The following STOX2 variants were observed in gnomAD, a reference collection of about 807,000 sequenced individuals.
STOX2 encodes the protein storkhead-box protein 2.
In STOX2, 28 loss-of-function variants were observed where a neutral mutation model predicts 60.9. The observed-to-expected ratio is 0.46, with a 90% confidence interval of 0.34 to 0.63. The LOEUF (loss-of-function observed/expected upper bound fraction) is 0.63. Among genes scored for constraint, STOX2 ranks in the 30% least tolerant of loss-of-function variants. STOX2 has a pLI of 0.01. For synonymous variants in STOX2, 472 were observed against 463.9 expected, an observed-to-expected ratio of 1.02 and a Z score of -0.22; for missense variants, 1,024 against 1,187.7, an observed-to-expected ratio of 0.86 and a Z score of 2.03.
At chr4:183,811,928 ATT>A (rs529589265) in intron 1 of STOX2, among the ~76,000 whole-genome samples, 28 of 129,694 alleles carry the variant, frequency 2.2e-4, no homozygotes, top group Admixed American at 2.4e-4. Flanking sequence ...GAAAGCCTGG[ATT>A]TTTTTTTTTT....
intron 1 of STOX2, among the ~76,000 whole-genome samples, chr4:183,917,573 C>T (rs1303557415): frequency 2.0e-5 from 3 of 152,192 alleles, no homozygotes; most frequent in Non-Finnish European, 2.9e-5. Flanking sequence ...AGTATTTGGA[C>T]ATATTTTCCC....
rs150323816 is a variant in STOX2, at chr4:183,869,630, C to A, written c.364+71575C>A. ...GTCATTTATCACACTATTAGCTTGG[C>A]ATCTCAGAATTTACCTTTATTAATT... On this transcript the variant is annotated intron_variant, in intron 1 of 2. Coordinates refer to the STOX2 transcript ENST00000513034. 8.5e-3 allele frequency among the ~76,000 whole-genome samples: 1,289 copies of A among 152,284 alleles called. 6 individuals carry two copies. Among genetic ancestry groups the A allele is most frequent in the Middle Eastern group, 0.024 (7 of 294 alleles).
At chr4:183,800,611 C>T (rs746362181) in intron 1 of STOX2, among the ~76,000 whole-genome samples, 10 of 152,146 alleles carry the variant, frequency 6.6e-5, no homozygotes, top group Admixed American at 1.3e-4. Context: ...TTACAGGAGG[C>T]GCATTACATT....
At chr4:183,886,324 G>GAGGGTGAAGGTTCA (rs1276420829) in intron 1 of STOX2, among the ~76,000 whole-genome samples, 1 of 148,488 alleles carries the variant, frequency 6.7e-6, no homozygotes, top group African/African-American at 2.4e-5. Context: ...GCAAGATCAG[G>GAGGGTGAAGGTTCA]GTCACTAGGA....
In STOX2 at chr4:184,010,099, T is replaced by G. The variant is rs773108420; in HGVS notation, c.1261T>G (p.Phe421Val). ...CATCATTGAACACAAAGGAGATAACTTCATCATGCACAGCAACACAAACGT... is the reference window on the plus strand; with the variant it reads ...CATCATTGAACACAAAGGAGATAACGTCATCATGCACAGCAACACAAACGT... ...CFIIEHKGDN[F>V]IMHSNTNVLE... Residue 421 changes from phenylalanine (F) to valine (V), a missense_variant, in exon 3 of 4, where the codon TTC becomes GTC. Transcript: ENST00000308497. This position sits in a 1 kb window ranked among gnomAD's most constrained non-coding sequence, Gnocchi z 4.5. 2.5e-6 allele frequency: 4 copies of G among 1,602,292 alleles called. No homozygotes were observed. In the South Asian group the frequency reaches 4.5e-5, roughly 18 times the overall value.
intron 1 of STOX2, among the ~76,000 whole-genome samples, chr4:183,850,345 TA>T: frequency 6.6e-6 from 1 of 152,276 alleles, no homozygotes. Flanking sequence ...GAGAATGCCA[TA>T]TTTTCCATCC....
chr4:183,946,251 C>T (rs544961490), intron 1 of STOX2, among the ~76,000 whole-genome samples: 1 of 152,160 alleles, frequency 6.6e-6, no homozygotes, highest in East Asian at 1.9e-4. Context: ...ATTTGCTGTG[C>T]GACTTCAGGC....
chr4:183,851,098 CGATGAGGGAAACGAT>C (rs1740117350), intron 1 of STOX2, among the ~76,000 whole-genome samples: 1 of 12,104 alleles, frequency 8.3e-5, no homozygotes, highest in East Asian at 3.2e-3. Context: ...ATGAGGGAAA[CGATGAGGGAAACGAT>C]GAGGGAAAGG....
intron 1 of STOX2, among the ~76,000 whole-genome samples, chr4:183,920,364 T>C (rs1288485101): frequency 6.6e-6 from 1 of 152,172 alleles, no homozygotes; most frequent in African/African-American, 2.4e-5. Flanking sequence ...CGCCTTGGCC[T>C]CCCGAAGTGC....
chr4:183,943,032 T>C lies in STOX2; in HGVS notation c.166+36076T>C, dbSNP rs576622946. 2.6e-5 allele frequency among the ~76,000 whole-genome samples: 4 copies of C among 152,336 alleles called. No homozygotes were observed. The South Asian group carries it at 8.3e-4, about 32-fold the overall frequency. On this transcript the variant is annotated intron_variant, in intron 1 of 3. Transcript: ENST00000308497. ...GTTTGAATCTGGGATACAGTCAGCT[T>C]TCAGAATGGCAATAGAAAAGAAACC...
chr4:183,873,401 G>A (rs182647113), intron 1 of STOX2, among the ~76,000 whole-genome samples: 27 of 143,760 alleles, frequency 1.9e-4, no homozygotes, highest in Admixed American at 1.2e-3. Context: ...AGCTGAGATC[G>A]CACCATCACA....
At chr4:183,874,697 C>A (rs7672531) in intron 1 of STOX2, among the ~76,000 whole-genome samples, 4 of 150,152 alleles carry the variant, frequency 2.7e-5, no homozygotes, top group African/African-American at 9.8e-5. Context: ...GAGGCCGAGG[C>A]GGGCGGATCA....
At chr4:184,017,017 C>T in intron 3 of STOX2, 72 bp from the exon 4 acceptor site, 3 of 1,300,500 alleles carry the variant, frequency 2.3e-6, no homozygotes, top group East Asian at 2.5e-5. Context: ...ATCATTTGCT[C>T]TTCCTCTGGG....
intron 1 of STOX2, among the ~76,000 whole-genome samples, chr4:183,872,092 G>T (rs1036829420): frequency 2.0e-5 from 3 of 152,034 alleles, no homozygotes; most frequent in African/African-American, 7.2e-5. Context: ...GTCTCACTCT[G>T]TTGCCCAGGT....
intron 1 of STOX2, among the ~76,000 whole-genome samples, chr4:183,804,346 T>C (rs887497212): frequency 6.6e-6 from 1 of 152,154 alleles, no homozygotes; most frequent in Non-Finnish European, 1.5e-5. Flanking sequence ...ACTTGACCAA[T>C]GAGGCAGGTA....
rs748144125 is a variant in STOX2, at chr4:184,010,673, C to T, written c.1835C>T (p.Thr612Met). 4.0e-5 allele frequency: 65 copies of T among 1,613,574 alleles called. 1 individual carries two copies. Among genetic ancestry groups the T allele is most frequent in the South Asian group, 1.4e-4 (13 of 91,032 alleles). ...QCNTSSETVL[T>M]APSPLGKNKE... ...AACACCTCTAGTGAGACGGTGCTCACGGCACCATCACCTCTGGGAAAGAAT... is the reference window on the plus strand; with the variant it reads ...AACACCTCTAGTGAGACGGTGCTCATGGCACCATCACCTCTGGGAAAGAAT... Residue 612 changes from threonine to methionine, a missense_variant, in exon 3 of 4, where the codon ACG becomes ATG. Physicochemically the swap from Thr to Met is moderately conservative, Grantham distance 81. This residue lies in a region of STOX2 where 922 missense variants were observed against 1,058.3 expected (regional missense o/e 0.87). Coordinates refer to ENST00000308497, the MANE Select transcript of STOX2 (RefSeq NM_020225.3). The surrounding 1 kb of genome is among the most constrained non-coding windows in gnomAD (Gnocchi z 4.5).
intron 1 of STOX2, among the ~76,000 whole-genome samples, chr4:183,987,294 A>G (rs28411264): frequency 0.068 from 10,337 of 151,048 alleles, 515 homozygotes; most frequent in African/African-American, 0.14. Context: ...TGCTTCTTGC[A>G]CTCTAAATAA....
At chr4:183,927,652 C>T (rs147391028) in intron 1 of STOX2, among the ~76,000 whole-genome samples, 1 of 152,206 alleles carries the variant, frequency 6.6e-6, no homozygotes, top group African/African-American at 2.4e-5. Flanking sequence ...TATTACTGAG[C>T]TGGAAGGACC....
intron 1 of STOX2, among the ~76,000 whole-genome samples, chr4:183,951,039 C>T (rs995186782): frequency 4.6e-5 from 7 of 151,772 alleles, no homozygotes; most frequent in Non-Finnish European, 8.8e-5. Context: ...CACGGTGAAA[C>T]CCCGTCTCTA....
Sources: gnomAD v4.1 joint callset for allele counts (sites outside exome capture counted in the v4.1 genomes callset) on GRCh38, gnomAD v4.1.1 for gene constraint, gnomAD v4.1.1 regional missense constraint, Gnocchi (gnomAD v3.1) non-coding constraint, MANE v1.5 for transcripts, NCBI Gene and HGNC (gene_info 2026-07-23, HGNC 2026-07-21) for gene names.